RGS6: variants seen among roughly 807,000 people sequenced by gnomAD.
RGS6 encodes regulator of G-protein signaling 6.
RGS6 carries 30 observed loss-of-function variants against 78.5 expected under a neutral mutation model. That is an observed-to-expected ratio of 0.38 (90% CI 0.29 to 0.52). The LOEUF is 0.52. Ranked by LOEUF, RGS6 falls within the 20% of genes least tolerant of loss-of-function variation. The probability of loss-of-function intolerance (pLI) is 0.85; values close to 1 mark genes in which losing one functional copy is unlikely to be tolerated. For missense variants in RGS6, 495 were observed against 609.7 expected (o/e 0.81, Z 1.98); for synonymous variants, 206 against 206.0 (o/e 1.00, Z 0.00).
At chr14:72,403,285 T>C (rs1459365423) in intron 3 of RGS6, among the ~76,000 whole-genome samples, 4 of 152,204 alleles carry the variant, frequency 2.6e-5, no homozygotes, top group African/African-American at 7.2e-5. Flanking sequence ...AAAATAAAAC[T>C]CTGTCATTCA....
chr14:72,598,337 G>A, the RGS6 span, among the ~76,000 whole-genome samples: 1 of 152,224 alleles, frequency 6.6e-6, no homozygotes, highest in Non-Finnish European at 1.5e-5. Context: ...AAGGGTCCCA[G>A]GGTCTTGGAA....
chr14:71,957,183 G>A (rs543006194), intron 1 of RGS6, among the ~76,000 whole-genome samples: 1 of 152,320 alleles, frequency 6.6e-6, no homozygotes, highest in East Asian at 1.9e-4. Flanking sequence ...AAGTGGTGAA[G>A]GTGTTAGGGA....
At chr14:71,933,757 G>C (rs1362682489) in intron 1 of RGS6, among the ~76,000 whole-genome samples, 7 of 152,114 alleles carry the variant, frequency 4.6e-5, no homozygotes, top group Admixed American at 3.3e-4. Flanking sequence ...TCAATGCTTG[G>C]GAGGTGAGTT....
chr14:71,881,514 T>C, the RGS6 span, among the ~76,000 whole-genome samples: 10 of 152,178 alleles, frequency 6.6e-5, no homozygotes, highest in Admixed American at 3.3e-4. Context: ...CATACTGTTC[T>C]CATGGTAGTG....
chr14:72,161,007 A>T (rs2096844798), intron 2 of RGS6, among the ~76,000 whole-genome samples: 1 of 152,234 alleles, frequency 6.6e-6, no homozygotes, highest in Admixed American at 6.5e-5. Flanking sequence ...CACATCAATG[A>T]TAGACTGGAT....
At chr14:72,370,245 A>G (rs1596356059) in intron 3 of RGS6, among the ~76,000 whole-genome samples, 1 of 152,244 alleles carries the variant, frequency 6.6e-6, no homozygotes, top group African/African-American at 2.4e-5. Context: ...ACATCCATAG[A>G]TATGATGGTG....
chr14:72,173,109 GCTGTGCCTGGAACATA>G (rs1285280352), intron 2 of RGS6, among the ~76,000 whole-genome samples: 3 of 152,148 alleles, frequency 2.0e-5, no homozygotes, highest in Non-Finnish European at 2.9e-5. Flanking sequence ...AGCCTCTTTT[GCTGTGCCTGGAACATA>G]CTGGCAGACA....
At chr14:72,234,439 A>G (rs749766086) in intron 2 of RGS6, among the ~76,000 whole-genome samples, 1 of 152,214 alleles carries the variant, frequency 6.6e-6, no homozygotes, top group African/African-American at 2.4e-5. Context: ...AATTCTGTGA[A>G]CCAGATACAT....
chr14:72,438,725 C>T (rs1371556846), intron 3 of RGS6, among the ~76,000 whole-genome samples: 1 of 152,264 alleles, frequency 6.6e-6, no homozygotes, highest in Non-Finnish European at 1.5e-5. Context: ...CAGTTCCAAA[C>T]TGGTCTCCTT....
At chr14:72,436,317 A>T (rs971260824) in intron 3 of RGS6, among the ~76,000 whole-genome samples, 38 of 152,000 alleles carry the variant, frequency 2.5e-4, no homozygotes, top group Non-Finnish European at 3.4e-4. Context: ...CCTTAAAACT[A>T]TACATGACTC....
the RGS6 span, among the ~76,000 whole-genome samples, chr14:71,872,008 G>A: frequency 6.6e-6 from 1 of 152,120 alleles, no homozygotes; most frequent in Non-Finnish European, 1.5e-5. Flanking sequence ...GGAGATGAGA[G>A]GGAAGGTGAG....
intron 2 of RGS6, among the ~76,000 whole-genome samples, chr14:72,077,724 A>G (rs758390960): frequency 2.0e-5 from 3 of 152,230 alleles, no homozygotes; most frequent in Non-Finnish European, 4.4e-5. Context: ...CTTTTGCTAA[A>G]CAAATTTTCA....
At chr14:72,590,688 G>A in the RGS6 span, among the ~76,000 whole-genome samples, 66,924 of 152,054 alleles carry the variant, frequency 0.44, 15,445 homozygotes, top group African/African-American at 0.53. Context: ...AAAGTAACCA[G>A]TAAAGGAATT....
chr14:72,260,577 C>T (rs1183126981), intron 2 of RGS6, among the ~76,000 whole-genome samples: 1 of 152,108 alleles, frequency 6.6e-6, no homozygotes, highest in Middle Eastern at 3.2e-3. Flanking sequence ...AATTTTCCCT[C>T]CCATTGCCGT....
At chr14:72,617,518 C>T in the RGS6 span, among the ~76,000 whole-genome samples, 1 of 152,144 alleles carries the variant, frequency 6.6e-6, no homozygotes, top group Non-Finnish European at 1.5e-5. Flanking sequence ...AAATTCCATC[C>T]GGTCGGGGGC....
At chr14:72,385,050 G>A (rs1017142188) in intron 3 of RGS6, among the ~76,000 whole-genome samples, 6 of 151,956 alleles carry the variant, frequency 3.9e-5, no homozygotes, top group African/African-American at 1.4e-4. Context: ...GTGCCTGGCC[G>A]GTTTGCATAT....
chr14:72,229,123 G>A (rs2048885637), intron 2 of RGS6, among the ~76,000 whole-genome samples: 1 of 152,160 alleles, frequency 6.6e-6, no homozygotes, highest in Admixed American at 6.5e-5. Context: ...AGATTCCACT[G>A]TCCCCCAATA....
At chr14:72,126,658 C>T (rs2096201272) in intron 2 of RGS6, among the ~76,000 whole-genome samples, 1 of 152,190 alleles carries the variant, frequency 6.6e-6, no homozygotes, top group Admixed American at 6.6e-5. Context: ...ATAGAAAACA[C>T]TTGAGTTCTC....
the RGS6 span, among the ~76,000 whole-genome samples, chr14:71,869,775 C>T: frequency 0.012 from 1,783 of 152,122 alleles, 21 homozygotes; most frequent in African/African-American, 0.028. Context: ...ATTGAATTGC[C>T]GTTGTGACAT....
Sources: allele counts gnomAD v4.1 joint callset (sites outside exome capture counted in the v4.1 genomes callset), GRCh38; gene constraint gnomAD v4.1.1; transcripts MANE v1.5; gene names NCBI Gene and HGNC (gene_info 2026-07-23, HGNC 2026-07-21).